CSMD1: variants seen among roughly 807,000 people sequenced by gnomAD.
CSMD1 encodes the protein CUB and Sushi multiple domains 1, also known as CUB and sushi domain-containing protein 1.
In CSMD1, 213 loss-of-function variants were observed where a neutral mutation model predicts 417.5. That is an observed-to-expected ratio of 0.51 (90% CI 0.46 to 0.57). CSMD1 has a LOEUF of 0.57. Ranked by LOEUF, CSMD1 falls within the 20% of genes least tolerant of loss-of-function variation. The pLI, the probability that CSMD1 is intolerant of heterozygous loss-of-function variation, is 0.00. For synonymous variants in CSMD1, 2,862 were observed against 1,736.8 expected (o/e 1.65, Z -16.11); for missense variants, 6,923 against 4,529.7 (o/e 1.53, Z -15.17).
At chr8:2,976,275 C>T (rs1009178796) in intron 55 of CSMD1, among the ~76,000 whole-genome samples, 2 of 151,818 alleles carry the variant, frequency 1.3e-5, no homozygotes, top group Non-Finnish European at 2.9e-5. Context: ...CTTCACAGTG[C>T]TAAAACTGAA....
intron 2 of CSMD1, among the ~76,000 whole-genome samples, chr8:4,440,770 C>G (rs1404698908): frequency 6.6e-6 from 1 of 152,010 alleles, no homozygotes; most frequent in Non-Finnish European, 1.5e-5. Flanking sequence ...CCAGTGCGAG[C>G]AGATCACCTG....
At chr8:4,015,498 C>T (rs1208933647) in intron 4 of CSMD1, among the ~76,000 whole-genome samples, 1 of 151,990 alleles carries the variant, frequency 6.6e-6, no homozygotes, top group Non-Finnish European at 1.5e-5. Flanking sequence ...ACCACAGCTT[C>T]AGATAGGTCT....
chr8:3,875,307 C>G (rs1805742964), intron 5 of CSMD1, among the ~76,000 whole-genome samples: 1 of 152,256 alleles, frequency 6.6e-6, no homozygotes, highest in South Asian at 2.1e-4. Flanking sequence ...ATCCTAAACT[C>G]AAAGAATTTG....
intron 5 of CSMD1, among the ~76,000 whole-genome samples, chr8:3,926,977 G>C (rs1406856904): frequency 1.3e-5 from 2 of 151,998 alleles, no homozygotes; most frequent in East Asian, 3.9e-4. Context: ...GCCTCCCAAA[G>C]TGCTAGGATT....
chr8:4,471,222 C>T (rs890105229), intron 2 of CSMD1, among the ~76,000 whole-genome samples: 2 of 152,120 alleles, frequency 1.3e-5, no homozygotes, highest in Non-Finnish European at 2.9e-5. Flanking sequence ...GAAAAAGTCT[C>T]GTGTTCCCCA....
chr8:4,120,468 C>G (rs62503579), intron 3 of CSMD1, among the ~76,000 whole-genome samples: 4 of 152,190 alleles, frequency 2.6e-5, no homozygotes, highest in African/African-American at 4.8e-5. Flanking sequence ...CCAGTCACTT[C>G]TCACACAAAT....
intron 3 of CSMD1, among the ~76,000 whole-genome samples, chr8:4,229,289 A>C (rs1185840929): frequency 2.6e-5 from 4 of 152,178 alleles, no homozygotes; most frequent in African/African-American, 7.2e-5. Flanking sequence ...CTCATTCTTC[A>C]GTGGCTTGAG....
intron 5 of CSMD1, among the ~76,000 whole-genome samples, chr8:3,859,942 A>T (rs1804580378): frequency 1.3e-5 from 2 of 152,160 alleles, no homozygotes; most frequent in South Asian, 4.1e-4. Flanking sequence ...ATAGCTTTTC[A>T]TGAATTCCAT....
intron 3 of CSMD1, among the ~76,000 whole-genome samples, chr8:4,160,744 T>A (rs879487778): frequency 6.6e-6 from 1 of 152,234 alleles, no homozygotes; most frequent in Non-Finnish European, 1.5e-5. Context: ...TATAAGGTGA[T>A]ACTACATTTA....
In CSMD1 at chr8:4,665,515, G is replaced by A. The variant is rs1379410709; in HGVS notation, c.86-27957C>T. Among the ~76,000 whole-genome samples, 3 of 152,290 alleles carry A rather than the reference G, an allele frequency of 2.0e-5. No homozygotes were observed. In the East Asian group the frequency reaches 5.8e-4, roughly 29 times the overall value. ...AGATCCTCTTGCTCCTCTGTGGTCA[G>A]CCCTCTCCCCCAGAGGGTGGCAGCT... is the stretch of plus-strand genomic sequence containing the variant. On this transcript the variant is annotated intron_variant, in intron 1 of 69. Transcript: ENST00000635120.
At chr8:3,066,030 G>T (rs1351216196) in intron 49 of CSMD1, among the ~76,000 whole-genome samples, 1 of 152,016 alleles carries the variant, frequency 6.6e-6, no homozygotes, top group African/African-American at 2.4e-5. Context: ...ATAATAATGG[G>T]CCAACTTTCC....
At chr8:4,909,420 G>C (rs757421277) in intron 1 of CSMD1, among the ~76,000 whole-genome samples, 5 of 152,064 alleles carry the variant, frequency 3.3e-5, no homozygotes, top group East Asian at 1.9e-4. Flanking sequence ...TTTTCCACTA[G>C]CAAGACAGGA....
intron 3 of CSMD1, among the ~76,000 whole-genome samples, chr8:4,180,118 A>C (rs1037125824): frequency 2.0e-5 from 3 of 152,166 alleles, no homozygotes; most frequent in Admixed American, 2.0e-4. Context: ...CTATGAAGAC[A>C]CATTCACACA....
intron 2 of CSMD1, among the ~76,000 whole-genome samples, chr8:4,562,103 G>C (rs1798369508): frequency 6.6e-6 from 1 of 152,242 alleles, no homozygotes; most frequent in African/African-American, 2.4e-5. Context: ...TTCCCTGATA[G>C]AGGAGGGAAG....
intron 6 of CSMD1, among the ~76,000 whole-genome samples, chr8:3,723,796 C>T (rs62480972): frequency 0.69 from 104,760 of 151,908 alleles, 37,355 homozygotes; most frequent in South Asian, 0.82. Context: ...CCCATGATTT[C>T]AAAATGACCG....
intron 7 of CSMD1, among the ~76,000 whole-genome samples, chr8:3,659,099 C>G (rs1798276681): frequency 6.6e-6 from 1 of 152,092 alleles, no homozygotes; most frequent in Non-Finnish European, 1.5e-5. Flanking sequence ...CTAATTATTT[C>G]AGAACAATTT....
chr8:4,698,667 C>T (rs1310911556), intron 1 of CSMD1, among the ~76,000 whole-genome samples: 1 of 147,666 alleles, frequency 6.8e-6, no homozygotes, highest in Admixed American at 6.8e-5. Flanking sequence ...GACAGGAAGA[C>T]AGAAGGAAGA....
At chr8:3,609,434 G>T (rs372385500) in intron 8 of CSMD1, among the ~76,000 whole-genome samples, 2 of 152,146 alleles carry the variant, frequency 1.3e-5, no homozygotes, top group African/African-American at 4.8e-5. Flanking sequence ...AAACTGACTT[G>T]AATTCAAATA....
chr8:2,963,751 A>G (rs1288364160), intron 59 of CSMD1, among the ~76,000 whole-genome samples: 2 of 152,152 alleles, frequency 1.3e-5, no homozygotes, highest in Non-Finnish European at 2.9e-5. Flanking sequence ...ATTTGGTCAG[A>G]TGACACAAAT....
Sources: gnomAD v4.1 joint callset for allele counts (sites outside exome capture counted in the v4.1 genomes callset) on GRCh38, gnomAD v4.1.1 for gene constraint, MANE v1.5 for transcripts, NCBI Gene and HGNC (gene_info 2026-07-23, HGNC 2026-07-21) for gene names.